Variants in PIK3C2G observed in about 807,000 individuals in gnomAD.
The protein encoded by PIK3C2G is phosphatidylinositol 3-kinase C2 domain-containing subunit gamma.
Under a neutral mutation model 181.1 loss-of-function variants are expected in PIK3C2G, and 168 were observed. The observed-to-expected ratio is 0.93, with a 90% confidence interval of 0.82 to 1.05. The LOEUF (loss-of-function observed/expected upper bound fraction) is 1.05. Among genes scored for constraint, PIK3C2G ranks in the 50% least tolerant of loss-of-function variants. The pLI is 0.00. For synonymous variants in PIK3C2G, 573 were observed against 592.2 expected, an observed-to-expected ratio of 0.97 and a Z score of 0.47; for missense variants, 1,869 against 1,732.8, an observed-to-expected ratio of 1.08 and a Z score of -1.40.
At chr12:18,707,306 C>T in the PIK3C2G span, among the ~76,000 whole-genome samples, 7 of 152,158 alleles carry the variant, frequency 4.6e-5, no homozygotes, top group East Asian at 1.9e-4. Context: ...CACTCTGATC[C>T]CAAAAGAATA....
intron 28 of PIK3C2G, among the ~76,000 whole-genome samples, chr12:18,566,677 GGTC>G (rs1945651617): frequency 2.6e-5 from 4 of 151,878 alleles, no homozygotes; most frequent in Admixed American, 6.6e-5. Context: ...CAAAATGTGT[GGTC>G]TGCCATAAAT....
chr12:18,693,797 C>T, the PIK3C2G span: 1 of 1,514,400 alleles, frequency 6.6e-7, no homozygotes, highest in Non-Finnish European at 9.2e-7. Context: ...GGATCCAGCG[C>T]TTATCAGACC....
At chr12:18,599,900 G>C (rs1947615472) in intron 30 of PIK3C2G, among the ~76,000 whole-genome samples, 1 of 151,828 alleles carries the variant, frequency 6.6e-6, no homozygotes, top group South Asian at 2.1e-4. Flanking sequence ...GATAGGCGCA[G>C]TTATGACTTC....
chr12:18,443,059 G>C (rs567453365), intron 18 of PIK3C2G, among the ~76,000 whole-genome samples: 62 of 152,174 alleles, frequency 4.1e-4, no homozygotes, highest in Non-Finnish European at 7.1e-4. Context: ...TTTTAGTAGA[G>C]ACAGTTTCCC....
rs1327428028 is a variant in PIK3C2G at position 18,464,875 on chromosome 12, G to A, written c.2505-23574G>A. 2.0e-5 allele frequency among the ~76,000 whole-genome samples: 3 copies of A among 152,030 alleles called. No homozygotes were observed. In the East Asian group the frequency reaches 5.8e-4, roughly 29 times the overall value. On this transcript the variant is annotated intron_variant, in intron 18 of 32. Transcript: ENST00000538779. ...GCCATGAATATTTATTGTGAGTACT[G>A]ATATTTTTGGATTTATTTCTATCAT...
intron 16 of PIK3C2G, among the ~76,000 whole-genome samples, chr12:18,417,804 G>A (rs1337962836): frequency 1.4e-5 from 2 of 146,272 alleles, no homozygotes; most frequent in Non-Finnish European, 3.0e-5. Flanking sequence ...TTACTTTATT[G>A]TGGTGGTCTG....
chr12:18,684,214 G>C, the PIK3C2G span: 1 of 1,611,576 alleles, frequency 6.2e-7, no homozygotes, highest in African/African-American at 1.3e-5. Context: ...ACAACAAAAC[G>C]TATCAATGCC....
intron 31 of PIK3C2G, among the ~76,000 whole-genome samples, chr12:18,616,857 C>T (rs1210426781): frequency 6.6e-6 from 1 of 152,000 alleles, no homozygotes; most frequent in African/African-American, 2.4e-5. Flanking sequence ...TTCATTAGAA[C>T]TATATTTTGA....
the PIK3C2G span, among the ~76,000 whole-genome samples, chr12:18,678,935 T>C: frequency 6.6e-6 from 1 of 152,088 alleles, no homozygotes; most frequent in Non-Finnish European, 1.5e-5. Context: ...TCACAGTGAT[T>C]GTCCCACTTT....
intron 13 of PIK3C2G, among the ~76,000 whole-genome samples, chr12:18,376,205 G>C (rs532732128): frequency 3.9e-5 from 6 of 152,324 alleles, no homozygotes; most frequent in Admixed American, 3.3e-4. Context: ...TCTCAGCATA[G>C]AAAAGCCACA....
At chr12:18,322,555 A>G (rs1221655208) in intron 7 of PIK3C2G, among the ~76,000 whole-genome samples, 1 of 152,118 alleles carries the variant, frequency 6.6e-6, no homozygotes, top group African/African-American at 2.4e-5. Flanking sequence ...ACTCTGTGAT[A>G]GTATATATTA....
At chr12:18,455,678 T>C (rs1395934897) in intron 18 of PIK3C2G, among the ~76,000 whole-genome samples, 4 of 152,014 alleles carry the variant, frequency 2.6e-5, no homozygotes. Flanking sequence ...CCGACAGCTG[T>C]CTTCTCACTG....
upstream of PIK3C2G, among the ~76,000 whole-genome samples, chr12:18,256,757 T>A (rs551601222): frequency 8.5e-5 from 13 of 152,292 alleles, no homozygotes; most frequent in Admixed American, 3.3e-4. Context: ...ACTAACTTTC[T>A]AGCCTGCAAT....
At chr12:18,623,805 G>T (rs1264431088) in intron 31 of PIK3C2G, among the ~76,000 whole-genome samples, 1 of 151,538 alleles carries the variant, frequency 6.6e-6, no homozygotes, top group Non-Finnish European at 1.5e-5. Flanking sequence ...ATTGCAAATG[G>T]AATTATTCTC....
chr12:18,597,415 T>G lies in PIK3C2G; in HGVS notation c.4087+2846T>G, dbSNP rs545108734. Among the ~76,000 whole-genome samples the G allele has an allele frequency of 3.9e-5, 6 of 152,200 alleles. No individual in the cohort carries two copies. The East Asian group carries it at 1.2e-3, about 29-fold the overall frequency. ...AAGCAAATTACTTAGCAAAAGACTT[T>G]CTTTAAAAATCATAAAAATAATAAT... On this transcript the variant is annotated intron_variant, in intron 30 of 32. Coordinates refer to ENST00000538779, the MANE Select transcript of PIK3C2G (RefSeq NM_001288772.2).
chr12:18,299,033 C>T (rs1950065679), intron 5 of PIK3C2G, among the ~76,000 whole-genome samples: 1 of 151,786 alleles, frequency 6.6e-6, no homozygotes, highest in Non-Finnish European at 1.5e-5. Flanking sequence ...ACTATTTGGG[C>T]TCTTTTTTAC....
intron 29 of PIK3C2G, among the ~76,000 whole-genome samples, chr12:18,587,776 A>C (rs1220619199): frequency 6.6e-6 from 1 of 151,120 alleles, no homozygotes; most frequent in East Asian, 2.0e-4. Context: ...ACAAAACAAA[A>C]CAAACACCTG....
At chr12:18,477,099 T>C (rs1939080261) in intron 18 of PIK3C2G, among the ~76,000 whole-genome samples, 1 of 152,080 alleles carries the variant, frequency 6.6e-6, no homozygotes, top group Non-Finnish European at 1.5e-5. Flanking sequence ...TCTGTGTGCG[T>C]GTGCTCTCCT....
intron 19 of PIK3C2G, 24 bp downstream of exon 19, chr12:18,488,653 G>T (rs1940279683): frequency 7.2e-7 from 1 of 1,380,674 alleles, no homozygotes; most frequent in Non-Finnish European, 9.6e-7. Flanking sequence ...TTAATATTCA[G>T]GTAGTAATGT....
Sources: allele counts gnomAD v4.1 joint callset (sites outside exome capture counted in the v4.1 genomes callset), GRCh38; gene constraint gnomAD v4.1.1; transcripts MANE v1.5; gene names NCBI Gene and HGNC (gene_info 2026-07-23, HGNC 2026-07-21).